PAXIP1: variants seen among roughly 807,000 people sequenced by gnomAD.
PAXIP1 encodes PAX interacting protein 1.
Under a neutral mutation model 140.6 loss-of-function variants are expected in PAXIP1, and 19 were observed. The observed-to-expected ratio is 0.14, with a 90% CI of 0.09 to 0.20. PAXIP1 has a LOEUF of 0.20. Among genes scored for constraint, PAXIP1 ranks in the 10% least tolerant of loss-of-function variants. The pLI, the probability that PAXIP1 is intolerant of heterozygous loss-of-function variation, is 1.00. For synonymous variants in PAXIP1, 442 were observed against 444.6 expected (o/e 0.99, Z 0.07); for missense variants, 920 against 1,208.6 (o/e 0.76, Z 3.54).
At chr7:155,001,379 CAAAAA>C (rs951384501) in intron 1 of PAXIP1, 1 of 149,848 alleles carries the variant, frequency 6.7e-6, no homozygotes, top group South Asian at 2.1e-4. Flanking sequence ...AAAAAACAAA[CAAAAA>C]AAAGAGGGGC....
At position 154,957,283 on chromosome 7, in the gene PAXIP1, T is replaced by C. The variant is rs752375731; in HGVS notation, c.2490A>G (p.Leu830=). The change falls in exon 14 of 21, where the codon CTA becomes CTG. Residue 830 remains leucine, a synonymous_variant. Transcript: ENST00000404141. ...VSAELLMSIR[L]PPKLKQNEVA... ...CTTCATTCTGTTTCAGTTTGGGAGG[T>C]AGTCTTATACTCTGCAATTAAAATA... 1.9e-6 allele frequency: 3 copies of C among 1,598,818 alleles called. No homozygotes were observed. Among genetic ancestry groups the C allele is most frequent in the South Asian group, 1.1e-5 (1 of 89,454 alleles).
intron 2 of PAXIP1, among the ~76,000 whole-genome samples, chr7:154,996,126 T>C (rs970771346): frequency 1.3e-5 from 2 of 152,206 alleles, no homozygotes; most frequent in Non-Finnish European, 2.9e-5. Context: ...TTCAGTCATA[T>C]GAATTCAGAC....
In PAXIP1 at chr7:154,963,218, C is replaced by G. The variant is rs1394275191; in HGVS notation, c.1989+453G>C. Reference sequence around the variant, plus strand: ...TGAGATGGAGTCTCGCTGTGTCACTCAGGCTGGAGTGCAGTGGTGGAATCT... The same window carrying G: ...TGAGATGGAGTCTCGCTGTGTCACTGAGGCTGGAGTGCAGTGGTGGAATCT... On this transcript the variant is annotated intron_variant, in intron 9 of 20. Transcript: ENST00000404141. This position sits in a 1 kb window ranked among gnomAD's most constrained non-coding sequence, Gnocchi z 4.1. 1.3e-5 allele frequency among the ~76,000 whole-genome samples: 2 copies of G among 151,924 alleles called. No individual in the cohort carries two copies. The highest frequency in any genetic ancestry group is 2.9e-5 in the Non-Finnish European group (2 of 67,988).
At chr7:154,998,329 T>G (rs1810734102) in intron 2 of PAXIP1, among the ~76,000 whole-genome samples, 1 of 152,098 alleles carries the variant, frequency 6.6e-6, no homozygotes, top group African/African-American at 2.4e-5. Flanking sequence ...CCCAACATGT[T>G]GAAACCCTGT....
At position 154,976,168 on chromosome 7, in the gene PAXIP1, A is replaced by G. The variant is rs1182712759; in HGVS notation, c.602T>C (p.Val201Ala). ...EEEEEEEEEE[V>A]ENEEQDSQNE... ...CTGAGAATCTTGTTCCTCATTTTCT[A>G]CTTCCTCCTCCTCTTCCTCTTCCTC... The change falls in exon 6 of 21, where the codon GTA becomes GCA. Residue 201 changes from valine to alanine, a missense_variant. Physicochemically the swap from Val to Ala is moderately conservative, Grantham distance 64. Around this residue, in one of 5 missense-constraint regions of PAXIP1, gnomAD observed 419 missense variants for 514.7 expected, o/e 0.81. Transcript: ENST00000404141. The G allele has an allele frequency of 3.8e-6, 6 of 1,596,576 alleles. No individual in the cohort carries two copies. The Admixed American group carries it at 5.3e-5, about 14-fold the overall frequency.
At position 155,000,212 on chromosome 7, in the gene PAXIP1, G is replaced by T. The variant is rs779593109; in HGVS notation, c.82-1428C>A. The stretch of plus-strand genomic sequence containing the variant: ...GACAACCTTTTCAGAATACTTTACC[G>T]ACCACTAATAGATATGAACTAGAGC... On this transcript the variant is annotated intron_variant, in intron 1 of 20. Coordinates refer to ENST00000404141, the MANE Select transcript of PAXIP1 (RefSeq NM_007349.4). 1.8e-4 allele frequency: 27 copies of T among 152,132 alleles called. 1 individual carries two copies. Among genetic ancestry groups the T allele is most frequent in the Admixed American group, 1.6e-3 (25 of 15,288 alleles). 9.4% of individuals were successfully genotyped at this position (152,132 alleles called of 1,614,324 possible).
At chr7:154,947,844 T>G in intron 17 of PAXIP1, 59 bp downstream of exon 17, 1 of 1,213,942 alleles carries the variant, frequency 8.2e-7, no homozygotes, top group Non-Finnish European at 1.2e-6. Flanking sequence ...GGTAGTTCCC[T>G]TGAGCAGGTC....
rs979327326 is a variant in PAXIP1, at chr7:154,956,918, ATC to A, written c.2549+304_2549+305del. 1.8e-5 allele frequency: 4 copies of A among 226,334 alleles called. No individual in the cohort carries two copies. In the Admixed American group the frequency reaches 2.3e-4, roughly 13 times the overall value. 14.0% of individuals were successfully genotyped at this position (226,334 alleles called of 1,614,324 possible). On this transcript the variant is annotated intron_variant, in intron 14 of 20. Coordinates refer to ENST00000404141, the MANE Select transcript of PAXIP1 (RefSeq NM_007349.4). The surrounding 1 kb of genome is among the most constrained non-coding windows in gnomAD (Gnocchi z 4.2). ...CAGGAGGCCTGGGGCTCCGTGGTCT[ATC>A]TCTGAGCTGGGTTCTAGACCTCCCA...
chr7:154,966,244 GC>G (rs1004471465), intron 8 of PAXIP1, among the ~76,000 whole-genome samples: 6 of 152,170 alleles, frequency 3.9e-5, no homozygotes, highest in African/African-American at 1.4e-4. Context: ...TCCATTGCTG[GC>G]CCCCGCGCAC....
chr7:154,947,982 C>T lies in PAXIP1; in HGVS notation c.2843G>A (p.Arg948Gln). Residue 948 changes from arginine to glutamine, a missense_variant, in exon 17 of 21, where the codon CGA becomes CAA. Physicochemically the swap from Arg to Gln is conservative, Grantham distance 43. Around this residue, in one of 5 missense-constraint regions of PAXIP1, gnomAD observed 303 missense variants for 517.9 expected, o/e 0.59. Transcript: ENST00000404141. ...GAAAAGTACTTCTGCCTCAGCATCT[C>T]GGAGAATGTAGTTCTGCTCATCTGG... is the stretch of plus-strand genomic sequence containing the variant. ...KFIDEQNYIL[R>Q]DAEAEVLFSF... 1.9e-6 allele frequency: 3 copies of T among 1,612,852 alleles called. No homozygotes were observed. The highest frequency in any genetic ancestry group is 2.2e-5 in the South Asian group (2 of 91,058).
In PAXIP1 at chr7:155,002,940, GC is replaced by G; in HGVS notation, c.-12del. The G allele has an allele frequency of 7.9e-7, 1 of 1,260,168 alleles. No individual in the cohort carries two copies. The highest frequency in any genetic ancestry group is 1.0e-6 in the Non-Finnish European group (1 of 976,314). The allele number at this position is 1,260,168 out of a possible 1,614,324, so 78.1% of individuals were successfully genotyped here. The stretch of plus-strand genomic sequence containing the variant: ...CGCCTGGTCCGACATGATCGCGGCG[GC>G]CCGGGAGGCTCCGCGGCGGCGCCCG... On this transcript the variant is annotated 5_prime_UTR_variant, in exon 1 of 21. Coordinates refer to ENST00000404141, the MANE Select transcript of PAXIP1 (RefSeq NM_007349.4).
intron 6 of PAXIP1, among the ~76,000 whole-genome samples, chr7:154,970,242 T>C (rs1809237037): frequency 6.6e-6 from 1 of 152,214 alleles, no homozygotes; most frequent in Non-Finnish European, 1.5e-5. Flanking sequence ...ATTAAAAGCA[T>C]TTAAAATTTA....
Position 154,990,906 on chromosome 7 carries a change from T to C in PAXIP1, c.324+100A>G, listed in dbSNP as rs913934541. On this transcript the variant is annotated intron_variant, in intron 4 of 20. Transcript: ENST00000404141. ...TTAAATACACAGTCAGTTTAGAAAA[T>C]AGCTTCTCTAAAACTGGTTAACAGG... 1.1e-5 allele frequency: 7 copies of C among 640,964 alleles called. No homozygotes were observed. In the Admixed American group the frequency reaches 1.1e-4, roughly 10 times the overall value. 39.7% of individuals were successfully genotyped at this position (640,964 alleles called of 1,614,324 possible).
At chr7:154,948,116 C>T in intron 16 of PAXIP1, 113 bp from the exon 17 acceptor site, 1 of 734,054 alleles carries the variant, frequency 1.4e-6, no homozygotes, top group South Asian at 1.4e-5. Context: ...GCTACATTTA[C>T]CTGTACAGCC....
intron 4 of PAXIP1, among the ~76,000 whole-genome samples, chr7:154,985,060 G>A (rs1018200649): frequency 6.6e-6 from 1 of 152,128 alleles, no homozygotes; most frequent in African/African-American, 2.4e-5. Context: ...CTTCACTGAT[G>A]TACGTTTGGA....
chr7:154,974,104 C>T (rs959600269), intron 6 of PAXIP1: 3 of 152,352 alleles, frequency 2.0e-5, no homozygotes, highest in Non-Finnish European at 4.4e-5. Flanking sequence ...CTGCATGGAT[C>T]AGATACCTCC....
chr7:154,962,485 T>C (rs1360936947), intron 9 of PAXIP1, 27 bp from the exon 10 acceptor site: 1 of 1,592,254 alleles, frequency 6.3e-7, no homozygotes, highest in African/African-American at 1.3e-5. Flanking sequence ...TATAGGTTTG[T>C]TGTTTTTGTT....
intron 5 of PAXIP1, among the ~76,000 whole-genome samples, chr7:154,981,238 C>T (rs986606395): frequency 1.3e-5 from 2 of 152,144 alleles, no homozygotes; most frequent in Non-Finnish European, 2.9e-5. Flanking sequence ...CTTCACTGTA[C>T]GCCGCAAGCA....
At chr7:154,957,764 G>A (rs574230148) in intron 13 of PAXIP1, among the ~76,000 whole-genome samples, 4 of 151,326 alleles carry the variant, frequency 2.6e-5, no homozygotes, top group African/African-American at 4.9e-5. Context: ...TCAGGAGATC[G>A]AGACCATCCT....
Sources: gnomAD v4.1 joint callset for allele counts (sites outside exome capture counted in the v4.1 genomes callset) on GRCh38, gnomAD v4.1.1 for gene constraint, gnomAD v4.1.1 regional missense constraint, Gnocchi (gnomAD v3.1) non-coding constraint, MANE v1.5 for transcripts, NCBI Gene and HGNC (gene_info 2026-07-23, HGNC 2026-07-21) for gene names.